CYP2W1: variants seen among roughly 807,000 people sequenced by gnomAD.
CYP2W1 encodes the protein cytochrome P450 family 2 subfamily W member 1, also known as cytochrome P450 2W1.
Under a neutral mutation model 44.9 loss-of-function variants are expected in CYP2W1, and 51 were observed. The observed-to-expected ratio is 1.14, with a 90% CI of 0.91 to 1.43. The LOEUF is 1.43. Among genes scored for constraint, CYP2W1 ranks in the 40% most tolerant of loss-of-function variants. CYP2W1 has a pLI of 0.00. For synonymous variants in CYP2W1, 383 were observed against 338.3 expected (o/e 1.13, Z -1.45); for missense variants, 746 against 700.0 (o/e 1.07, Z -0.74).
In CYP2W1 at chr7:985,346, T is replaced by C. The variant is rs377441843; in HGVS notation, c.645+23T>C. ...CAGGTGAGGAGCTGCCTCCCATCCT[T>C]GGGGTGGGGTGGAGCCTGGAGTGAT... On this transcript the variant is annotated intron_variant, in intron 4 of 8. Transcript: ENST00000308919. The C allele has an allele frequency of 9.0e-5, 139 of 1,546,164 alleles. No homozygotes were observed. The African/African-American group carries it at 1.8e-3, about 19-fold the overall frequency.
At position 987,255 on chromosome 7, in the gene CYP2W1, C is replaced by T. The variant is rs764550796; in HGVS notation, c.958+10C>T. ...CACCCGGACGTGCAGGGTGAGACCC[C>T]GGCGCCTGGCGAGACGGCTCCTTCT... On this transcript the variant is annotated intron_variant, in intron 6 of 8. Transcript: ENST00000308919. 107 of 1,509,666 alleles carry T rather than the reference C, an allele frequency of 7.1e-5. 1 individual carries two copies. The highest frequency in any genetic ancestry group is 5.0e-4 in the African/African-American group (36 of 72,410). The allele number at this position is 1,509,666 out of a possible 1,614,324, so 93.5% of individuals were successfully genotyped here. A position where few individuals can be genotyped will look rare whatever the true frequency, so the allele number is the denominator to read the frequency against.
In CYP2W1 at chr7:988,814, A is replaced by G. The variant is rs779689921; in HGVS notation, c.1465A>G (p.Arg489Gly). 2 of 1,558,360 alleles carry G rather than the reference A, an allele frequency of 1.3e-6. No individual in the cohort carries two copies. The highest frequency in any genetic ancestry group is 3.5e-5 in the Admixed American group (2 of 56,518). The change falls in exon 9 of 9, where the codon AGG (arginine) becomes GGG (glycine). Residue 489 changes from arginine to glycine, a missense_variant. Coordinates refer to ENST00000308919, the MANE Select transcript of CYP2W1 (RefSeq NM_017781.3). ...GGCCCAGGCCCTGTGTGCGGTGCCCAGGCCCTAGGAGCTCCCCCAGCCCCC... is the reference window on the plus strand; with the variant it reads ...GGCCCAGGCCCTGTGTGCGGTGCCCGGGCCCTAGGAGCTCCCCCAGCCCCC... Reference protein sequence around the residue: ...PRAQALCAVPRP With the variant: ...PRAQALCAVPGP
chr7:988,351 C>A lies in CYP2W1; in HGVS notation c.1218C>A (p.Asn406Lys). The A allele has an allele frequency of 6.2e-7, 1 of 1,612,648 alleles. No homozygotes were observed. The highest frequency in any genetic ancestry group is 1.3e-5 in the African/African-American group (1 of 75,030). Reference sequence around the variant, plus strand: ...AGTGGCAGACCCCAGGCCAGTTCAACCCCGGCCATTTCCTGGACGCGAATG... The same window carrying A: ...AGTGGCAGACCCCAGGCCAGTTCAAACCCGGCCATTTCCTGGACGCGAATG... ...ETQWQTPGQF[N>K]PGHFLDANGH... Residue 406 changes from asparagine (N) to lysine (K), a missense_variant, in exon 8 of 9, where the codon AAC becomes AAA. Asn to Lys is a moderately conservative substitution (Grantham distance 94, BLOSUM62 0). Coordinates refer to ENST00000308919, the MANE Select transcript of CYP2W1 (RefSeq NM_017781.3).
chr7:983,334 C>A lies in CYP2W1; in HGVS notation c.123C>A (p.Val41=). Residue 41 remains valine (V), a synonymous_variant, in exon 1 of 9, where the codon GTC becomes GTA. Coordinates refer to ENST00000308919, the MANE Select transcript of CYP2W1 (RefSeq NM_017781.3). ...CGGGGCCTCGCCCGCTGCCGCTCGT[C>A]GGGAACCTGCACTTGCTGCGTCTGT... The part of the protein sequence containing the change: ...WPPGPRPLPL[V]GNLHLLRLSQ... 1 of 1,539,190 alleles carries A rather than the reference C, an allele frequency of 6.5e-7. No homozygotes were observed.
Position 987,464 on chromosome 7 carries a change from C to T in CYP2W1, c.1076C>T (p.Thr359Met), listed in dbSNP as rs752143691. The T allele has an allele frequency of 9.6e-5, 150 of 1,564,490 alleles. 1 individual carries two copies. In the Middle Eastern group the frequency reaches 1.0e-3, roughly 10 times the overall value. ...AVLHEVQRFI[T>M]LLPHVPRCTA... ...CTCCACGAGGTGCAGCGGTTCATCACGCTCCTGCCGCACGTGCCCCGCTGC... is the reference window on the plus strand; with the variant it reads ...CTCCACGAGGTGCAGCGGTTCATCATGCTCCTGCCGCACGTGCCCCGCTGC... The change falls in exon 7 of 9, where the codon ACG (threonine) becomes ATG (methionine). Residue 359 changes from threonine to methionine, a missense_variant. Coordinates refer to ENST00000308919, the MANE Select transcript of CYP2W1 (RefSeq NM_017781.3).
Position 988,721 on chromosome 7 carries a change from C to T in CYP2W1, c.1372C>T (p.Pro458Ser). ...CCTCCTGCAGAGGTACCGCCTGCTGCCCCCGCCTGGCGTCAGTCCGGCCTC... is the reference window on the plus strand; with the variant it reads ...CCTCCTGCAGAGGTACCGCCTGCTGTCCCCGCCTGGCGTCAGTCCGGCCTC... ...AGLLQRYRLL[P>S]PPGVSPASLD... The change falls in exon 9 of 9, where the codon CCC becomes TCC. Residue 458 changes from proline (P) to serine (S), a missense_variant. By Grantham distance (74) the Pro-to-Ser change is moderately conservative. Coordinates refer to ENST00000308919, the MANE Select transcript of CYP2W1 (RefSeq NM_017781.3). 2 of 1,599,598 alleles carry T rather than the reference C, an allele frequency of 1.3e-6. No individual in the cohort carries two copies. The highest frequency in any genetic ancestry group is 1.7e-6 in the Non-Finnish European group (2 of 1,179,588).
chr7:987,880 CT>C (rs1848497468), intron 7 of CYP2W1, among the ~76,000 whole-genome samples: 1 of 150,362 alleles, frequency 6.7e-6, no homozygotes, highest in African/African-American at 2.5e-5. Flanking sequence ...TGGGGATCCC[CT>C]GTGTGTCCTG....
chr7:985,287 T>C lies in CYP2W1; in HGVS notation c.609T>C (p.Asp203=). 1 of 1,551,660 alleles carries C rather than the reference T, an allele frequency of 6.4e-7. No homozygotes were observed. The highest frequency in any genetic ancestry group is 8.7e-7 in the Non-Finnish European group (1 of 1,147,374). The change falls in exon 4 of 9, where the codon GAT becomes GAC. Residue 203 remains aspartate, a synonymous_variant. Coordinates refer to ENST00000308919, the MANE Select transcript of CYP2W1 (RefSeq NM_017781.3). Reference sequence around the variant, plus strand: ...TTGTGTCCCTGCTGGGTCTCATCGATGAGGTCATGGTCCTCTTGGGGTCCC... The same window carrying C: ...TTGTGTCCCTGCTGGGTCTCATCGACGAGGTCATGGTCCTCTTGGGGTCCC... ...PVFVSLLGLI[D]EVMVLLGSPG...
chr7:985,338 C>A lies in CYP2W1; in HGVS notation c.645+15C>A. 1 of 1,547,642 alleles carries A rather than the reference C, an allele frequency of 6.5e-7. No homozygotes were observed. ...CTGGCCTGCAGGTGAGGAGCTGCCT[C>A]CCATCCTTGGGGTGGGGTGGAGCCT... is the stretch of plus-strand genomic sequence containing the variant. On this transcript the variant is annotated intron_variant, in intron 4 of 8. Coordinates refer to ENST00000308919, the MANE Select transcript of CYP2W1 (RefSeq NM_017781.3).
chr7:986,598 C>T (rs772835366), intron 4 of CYP2W1, 26 bp from the exon 5 acceptor site: 2 of 1,611,458 alleles, frequency 1.2e-6, no homozygotes, highest in East Asian at 2.2e-5. Flanking sequence ...GCGTCCTTAT[C>T]TCCGCTCCTC....
In CYP2W1 at chr7:988,874, T is replaced by A; in HGVS notation, c.*52T>A. 1 of 1,151,182 alleles carries A rather than the reference T, an allele frequency of 8.7e-7. No individual in the cohort carries two copies. The allele number at this position is 1,151,182 out of a possible 1,614,324, so 71.3% of individuals were successfully genotyped here. ...TGACCACTCCCCTCCCAGCCCTGGG[T>A]CCTCCCACCCTCTCTCCTCCCACCC... is the stretch of plus-strand genomic sequence containing the variant. On this transcript the variant is annotated 3_prime_UTR_variant, in exon 9 of 9. Transcript: ENST00000308919.
chr7:987,145 G>A lies in CYP2W1; in HGVS notation c.858G>A (p.Ala286=), dbSNP rs548719233. 112 of 1,573,496 alleles carry A rather than the reference G, an allele frequency of 7.1e-5. No individual in the cohort carries two copies. The highest frequency in any genetic ancestry group is 8.5e-5 in the Non-Finnish European group (99 of 1,159,126). ...AGGGCCTGTTTGCTGAGGCCAACGCGGTGGCCTGCACCCTGGACATGGTCA... is the reference window on the plus strand; with the variant it reads ...AGGGCCTGTTTGCTGAGGCCAACGCAGTGGCCTGCACCCTGGACATGGTCA... ...DPEGLFAEAN[A]VACTLDMVMA... Residue 286 remains alanine (A), a synonymous_variant, in exon 6 of 9, where the codon GCG becomes GCA. Coordinates refer to ENST00000308919, the MANE Select transcript of CYP2W1 (RefSeq NM_017781.3).
In CYP2W1 at chr7:988,359, A is replaced by G. The variant is rs759601401; in HGVS notation, c.1226A>G (p.His409Arg). 6.2e-7 allele frequency: 1 copy of G among 1,612,432 alleles called. No homozygotes were observed. Among genetic ancestry groups the G allele is most frequent in the African/African-American group, 1.3e-5 (1 of 74,856 alleles). ...ACCCCAGGCCAGTTCAACCCCGGCCATTTCCTGGACGCGAATGGGCACTTT... is the reference window on the plus strand; with the variant it reads ...ACCCCAGGCCAGTTCAACCCCGGCCGTTTCCTGGACGCGAATGGGCACTTT... ...WQTPGQFNPG[H>R]FLDANGHFVK... is the part of the protein sequence containing the mutation. Residue 409 changes from histidine (H) to arginine (R), a missense_variant, in exon 8 of 9, where the codon CAT becomes CGT. His to Arg is a conservative substitution (Grantham distance 29). Coordinates refer to ENST00000308919, the MANE Select transcript of CYP2W1 (RefSeq NM_017781.3).
At chr7:985,144 C>T (rs759180046) in intron 3 of CYP2W1, 22 bp from the exon 4 acceptor site, 163 of 1,599,512 alleles carry the variant, frequency 1.0e-4, no homozygotes, top group Middle Eastern at 3.3e-4. Flanking sequence ...CTGGACGTGC[C>T]TGAGGCCCGT....
In CYP2W1 at chr7:988,678, C is replaced by G; in HGVS notation, c.1329C>G (p.Leu443=). The G allele has an allele frequency of 6.2e-7, 1 of 1,600,652 alleles. No homozygotes were observed. The highest frequency in any genetic ancestry group is 8.5e-7 in the Non-Finnish European group (1 of 1,179,646). The change falls in exon 9 of 9, where the codon CTC becomes CTG. Residue 443 remains leucine, a synonymous_variant. Coordinates refer to ENST00000308919, the MANE Select transcript of CYP2W1 (RefSeq NM_017781.3). ...GGGAGCGCCTGGCCAGGACCGAGCT[C>G]TTCCTGCTGTTTGCCGGCCTCCTGC... is the stretch of plus-strand genomic sequence containing the variant. ...CVGERLARTE[L]FLLFAGLLQR...
rs1403234175 is a variant in CYP2W1 at position 987,468 on chromosome 7, C to T, written c.1080C>T (p.Leu360=). The T allele has an allele frequency of 1.3e-6, 2 of 1,564,238 alleles. No homozygotes were observed. Among genetic ancestry groups the T allele is most frequent in the East Asian group, 2.4e-5 (1 of 42,516 alleles). Residue 360 remains leucine, a synonymous_variant, in exon 7 of 9, where the codon CTC becomes CTT. Transcript: ENST00000308919. ...ACGAGGTGCAGCGGTTCATCACGCT[C>T]CTGCCGCACGTGCCCCGCTGCACCG... ...VLHEVQRFIT[L]LPHVPRCTAA...
Position 984,441 on chromosome 7 carries a change from C to T in CYP2W1, c.204C>T (p.Thr68=), listed in dbSNP as rs989285134. ...ELSERYGPVF[T]VHLGRQKTVV... ...CAGAACGCTACGGGCCGGTGTTCAC[C>T]GTGCACCTGGGGCGCCAGAAGACGG... is the stretch of plus-strand genomic sequence containing the variant. Residue 68 remains threonine, a synonymous_variant, in exon 2 of 9, where the codon ACC becomes ACT. Transcript: ENST00000308919. The T allele has an allele frequency of 6.5e-6, 10 of 1,549,232 alleles. No individual in the cohort carries two copies. Among genetic ancestry groups the T allele is most frequent in the Admixed American group, 2.0e-5 (1 of 51,052 alleles).
chr7:983,467 T>C, intron 1 of CYP2W1, 82 bp downstream of exon 1: 1 of 1,296,350 alleles, frequency 7.7e-7, no homozygotes, highest in Non-Finnish European at 1.0e-6. Flanking sequence ...CCCAGCCCGG[T>C]TTCCACTGCC....
At chr7:986,115 CCA>C (rs1562954430) in intron 4 of CYP2W1, among the ~76,000 whole-genome samples, 1 of 152,184 alleles carries the variant, frequency 6.6e-6, no homozygotes, top group African/African-American at 2.4e-5. Context: ...CAGCTCCTTA[CCA>C]CAGAGACGCC....
Sources: allele counts gnomAD v4.1 joint callset (sites outside exome capture counted in the v4.1 genomes callset), GRCh38; gene constraint gnomAD v4.1.1; transcripts MANE v1.5; gene names NCBI Gene and HGNC (gene_info 2026-07-23, HGNC 2026-07-21).